CLSTN2: variants seen among roughly 807,000 people sequenced by gnomAD.
CLSTN2 encodes calsyntenin 2, also known as calsyntenin-2.
In CLSTN2, 48 loss-of-function variants were observed where a neutral mutation model predicts 101.2. The observed-to-expected ratio is 0.47, with a 90% confidence interval of 0.38 to 0.60. The LOEUF is 0.60. CLSTN2 is among the 20% of genes least tolerant of loss of function. The probability of loss-of-function intolerance (pLI) is 0.00; values close to 1 mark genes in which losing one functional copy is unlikely to be tolerated. For synonymous variants in CLSTN2, 481 were observed against 463.6 expected (o/e 1.04, Z -0.48); for missense variants, 1,160 against 1,238.2 (o/e 0.94, Z 0.95).
At chr3:140,047,436 T>C (rs2007903299) in intron 1 of CLSTN2, among the ~76,000 whole-genome samples, 1 of 152,224 alleles carries the variant, frequency 6.6e-6, no homozygotes, top group Non-Finnish European at 1.5e-5. Context: ...AACTGCCATA[T>C]AATATTCTAT....
At chr3:140,492,155 A>G (rs1934366593) in intron 8 of CLSTN2, among the ~76,000 whole-genome samples, 1 of 150,840 alleles carries the variant, frequency 6.6e-6, no homozygotes, top group African/African-American at 2.4e-5. Context: ...TTAAAAAAAA[A>G]TAAATTTCAA....
chr3:139,975,523 C>G (rs574931501), intron 1 of CLSTN2, among the ~76,000 whole-genome samples: 1 of 152,052 alleles, frequency 6.6e-6, no homozygotes, highest in Admixed American at 6.5e-5. Flanking sequence ...TAATCAGGAC[C>G]GAGAGGCTGA....
At chr3:139,946,589 G>A (rs964069752) in intron 1 of CLSTN2, among the ~76,000 whole-genome samples, 3 of 152,192 alleles carry the variant, frequency 2.0e-5, no homozygotes, top group South Asian at 4.1e-4. Context: ...GTAGGGATGG[G>A]CATCAATCTT....
chr3:139,961,982 T>G (rs1935518355), intron 1 of CLSTN2, among the ~76,000 whole-genome samples: 1 of 152,146 alleles, frequency 6.6e-6, no homozygotes, highest in African/African-American at 2.4e-5. Context: ...TAAATGTTAC[T>G]TTTAATGGCT....
chr3:140,262,340 G>T (rs2086660661), intron 2 of CLSTN2, among the ~76,000 whole-genome samples: 1 of 152,186 alleles, frequency 6.6e-6, no homozygotes, highest in Admixed American at 6.5e-5. Context: ...GCTTTCAATG[G>T]CTTTCCCAGC....
chr3:140,092,762 TC>T (rs1333394830), intron 1 of CLSTN2, among the ~76,000 whole-genome samples: 1 of 152,166 alleles, frequency 6.6e-6, no homozygotes, highest in Non-Finnish European at 1.5e-5. Context: ...TGAAAGCTCA[TC>T]CAGTGCTCAC....
intron 10 of CLSTN2, among the ~76,000 whole-genome samples, chr3:140,547,116 G>A (rs1935609489): frequency 6.6e-6 from 1 of 152,240 alleles, no homozygotes; most frequent in Admixed American, 6.5e-5. Context: ...AAACCTGGGT[G>A]AGGTAGAATG....
chr3:140,542,565 T>C (rs1935503653), intron 9 of CLSTN2, among the ~76,000 whole-genome samples: 1 of 152,238 alleles, frequency 6.6e-6, no homozygotes, highest in Non-Finnish European at 1.5e-5. Context: ...CTATTATTTT[T>C]TTTTAAATCC....
intron 3 of CLSTN2, 88 bp downstream of exon 3, chr3:140,403,912 C>T: frequency 3.6e-6 from 4 of 1,103,966 alleles, no homozygotes; most frequent in South Asian, 1.5e-5. Flanking sequence ...ATATGTTTAC[C>T]CTCTTGTCAC....
chr3:140,245,984 GAT>G (rs1266565323), intron 2 of CLSTN2, among the ~76,000 whole-genome samples: 1 of 152,208 alleles, frequency 6.6e-6, no homozygotes, highest in Non-Finnish European at 1.5e-5. Flanking sequence ...ATGCTGTACA[GAT>G]ATGTGTGGAT....
At chr3:139,942,526 C>T (rs1433897671) in intron 1 of CLSTN2, among the ~76,000 whole-genome samples, 1 of 152,126 alleles carries the variant, frequency 6.6e-6, no homozygotes, top group African/African-American at 2.4e-5. Flanking sequence ...GGCTAGATAA[C>T]AAAGTGGATA....
At chr3:140,486,636 C>T (rs1407889766) in intron 8 of CLSTN2, among the ~76,000 whole-genome samples, 2 of 152,156 alleles carry the variant, frequency 1.3e-5, no homozygotes, top group Non-Finnish European at 1.5e-5. Context: ...CTCCAGATGT[C>T]ATAGGTTTCT....
chr3:140,082,777 C>T (rs1189667062), intron 1 of CLSTN2, among the ~76,000 whole-genome samples: 1 of 152,160 alleles, frequency 6.6e-6, no homozygotes, highest in Non-Finnish European at 1.5e-5. Flanking sequence ...TCCTATGGGA[C>T]TGTGTTAGGT....
chr3:140,461,269 C>T (rs1933556833), intron 7 of CLSTN2: 1 of 152,148 alleles, frequency 6.6e-6, no homozygotes, highest in Non-Finnish European at 1.5e-5. Context: ...TTCTTTGGGA[C>T]CTTCACGCAG....
intron 2 of CLSTN2, among the ~76,000 whole-genome samples, chr3:140,248,078 G>A (rs1363230247): frequency 6.6e-6 from 1 of 152,118 alleles, no homozygotes; most frequent in African/African-American, 2.4e-5. Context: ...GGCATCCAAG[G>A]GCAGGAATTA....
rs1260019536 is a variant in CLSTN2 at position 140,572,672 on chromosome 3, C to T, written c.*6419C>T. Reference sequence around the variant, plus strand: ...GTGAGAAGTGCATATTCTTGGGCCCCACCCCAGACCTACTGAATGAGAAGC... The same window carrying T: ...GTGAGAAGTGCATATTCTTGGGCCCTACCCCAGACCTACTGAATGAGAAGC... On this transcript the variant is annotated 3_prime_UTR_variant, in exon 17 of 17. Transcript: ENST00000458420. 1 of 152,220 alleles carries T rather than the reference C, an allele frequency of 6.6e-6. No individual in the cohort carries two copies. The highest frequency in any genetic ancestry group is 1.5e-5 in the Non-Finnish European group (1 of 68,066). The allele number at this position is 152,220 out of a possible 1,614,324, so 9.4% of individuals were successfully genotyped here. A position where few individuals can be genotyped will look rare whatever the true frequency, so the allele number is the denominator to read the frequency against.
chr3:140,566,814 C>T lies in CLSTN2; in HGVS notation c.*561C>T. On this transcript the variant is annotated 3_prime_UTR_variant, in exon 17 of 17. Coordinates refer to ENST00000458420, the MANE Select transcript of CLSTN2 (RefSeq NM_022131.3). ...AAAGGTACACACATTCTCTCTCTCT[C>T]TCTCTCTCTGTCTATCTAGTTCCCC... is the stretch of plus-strand genomic sequence containing the variant. The T allele has an allele frequency of 6.4e-6, 1 of 156,202 alleles. No homozygotes were observed. The highest frequency in any genetic ancestry group is 1.9e-4 in the East Asian group (1 of 5,250). 9.7% of individuals were successfully genotyped at this position (156,202 alleles called of 1,614,324 possible).
intron 1 of CLSTN2, among the ~76,000 whole-genome samples, chr3:140,173,567 C>T (rs1427762230): frequency 1.3e-5 from 2 of 152,252 alleles, no homozygotes; most frequent in Non-Finnish European, 2.9e-5. Context: ...CCACATTTCC[C>T]TTCTGCACTG....
At chr3:140,144,418 G>A (rs2009750732) in intron 1 of CLSTN2, among the ~76,000 whole-genome samples, 1 of 152,106 alleles carries the variant, frequency 6.6e-6, no homozygotes, top group Admixed American at 6.5e-5. Context: ...GACCAGCCTG[G>A]CCAACATGCT....
Sources: gnomAD v4.1 joint callset for allele counts (sites outside exome capture counted in the v4.1 genomes callset) on GRCh38, gnomAD v4.1.1 for gene constraint, MANE v1.5 for transcripts, NCBI Gene and HGNC (gene_info 2026-07-23, HGNC 2026-07-21) for gene names.